Variants in TG observed in about 807,000 individuals in gnomAD.
TG encodes the protein thyroid hormones.
TG carries 270 observed loss-of-function variants against 324.7 expected under a neutral mutation model. That is an observed-to-expected ratio of 0.83 (90% confidence interval 0.75 to 0.92). The LOEUF (loss-of-function observed/expected upper bound fraction) is 0.92, where lower values mean the gene tolerates loss of function less well. Among genes scored for constraint, TG ranks in the 40% least tolerant of loss-of-function variants. The pLI, the probability that TG is intolerant of heterozygous loss-of-function variation, is 0.00. For synonymous variants in TG, 1,401 were observed against 1,327.0 expected (o/e 1.06, Z -1.21); for missense variants, 3,591 against 3,456.4 (o/e 1.04, Z -0.98).
chr8:133,134,799 C>T lies in TG; in HGVS notation c.*5C>T. 6.2e-7 allele frequency: 1 copy of T among 1,612,092 alleles called. No homozygotes were observed. The highest frequency in any genetic ancestry group is 8.5e-7 in the Non-Finnish European group (1 of 1,178,160). ...TCTAAGACCTACAGCAAGTGACCAG[C>T]CCTTGAGCTCCCCAAAAACCTCACC... On this transcript the variant is annotated 3_prime_UTR_variant, in exon 48 of 48. Transcript: ENST00000220616.
intron 41 of TG, among the ~76,000 whole-genome samples, chr8:133,071,668 C>A (rs1564151824): frequency 6.6e-6 from 1 of 151,964 alleles, no homozygotes; most frequent in Non-Finnish European, 1.5e-5. Context: ...GGAGGAGGCG[C>A]ACCTGCAAAC....
At position 132,869,758 on chromosome 8, in the gene TG, C is replaced by T. The variant is rs1021463864; in HGVS notation, c.206C>T (p.Ser69Phe). The change falls in exon 3 of 48, where the codon TCC becomes TTC. Residue 69 changes from serine to phenylalanine, a missense_variant. Ser to Phe is a radical substitution (Grantham distance 155). Transcript: ENST00000220616. ...QTVQCQNDGRSCWCVGANGSE... is the reference protein window; with the variant it reads ...QTVQCQNDGRFCWCVGANGSE... Reference sequence around the variant, plus strand: ...GTCCAGTGCCAGAACGACGGCCGCTCCTGCTGGTGTGTGGGTGCCAACGGC... The same window carrying T: ...GTCCAGTGCCAGAACGACGGCCGCTTCTGCTGGTGTGTGGGTGCCAACGGC... 1.2e-5 allele frequency: 20 copies of T among 1,614,188 alleles called. No individual in the cohort carries two copies. Among genetic ancestry groups the T allele is most frequent in the Non-Finnish European group, 1.7e-5 (20 of 1,180,036 alleles).
intron 46 of TG, among the ~76,000 whole-genome samples, chr8:133,133,093 G>A (rs988095660): frequency 1.3e-5 from 2 of 152,134 alleles, no homozygotes; most frequent in East Asian, 1.9e-4. Context: ...CCTCCTGCCC[G>A]GGCCTTGGAC....
intron 41 of TG, among the ~76,000 whole-genome samples, chr8:133,066,880 G>C (rs995568138): frequency 6.6e-6 from 1 of 152,210 alleles, no homozygotes; most frequent in Non-Finnish European, 1.5e-5. Flanking sequence ...GGGGCTGGGG[G>C]GTTGGCTAAC....
chr8:132,913,673 G>A (rs531224894), intron 20 of TG, among the ~76,000 whole-genome samples: 2 of 152,158 alleles, frequency 1.3e-5, no homozygotes, highest in Middle Eastern at 3.2e-3. Context: ...TCCTGATTGA[G>A]GTTCACTTGG....
At chr8:133,038,589 G>A (rs1837526429) in intron 41 of TG, 6 of 1,614,018 alleles carry the variant, frequency 3.7e-6, no homozygotes, top group East Asian at 2.2e-5. Context: ...CCATACATCA[G>A]GGAGATGCTT....
rs189376293 is a variant in TG, at chr8:133,075,688, T to C, written c.7240-19356T>C. 1.7e-4 allele frequency among the ~76,000 whole-genome samples: 26 copies of C among 152,238 alleles called. 1 individual carries two copies. The East Asian group carries it at 5.0e-3, about 29-fold the overall frequency. On this transcript the variant is annotated intron_variant, in intron 41 of 47. Transcript: ENST00000220616. The stretch of plus-strand genomic sequence containing the variant: ...AGCTGCATCCCTATATCTACAGCCA[T>C]CATATTGGCACAAAAGTTATTGTGG...
intron 45 of TG, among the ~76,000 whole-genome samples, chr8:133,125,934 G>T (rs1851483427): frequency 6.6e-6 from 1 of 152,134 alleles, no homozygotes; most frequent in Non-Finnish European, 1.5e-5. Context: ...AATGCACAAT[G>T]GTCTTTTCAT....
intron 11 of TG, among the ~76,000 whole-genome samples, chr8:132,897,206 A>T (rs771345946): frequency 6.6e-6 from 1 of 152,228 alleles, no homozygotes; most frequent in Non-Finnish European, 1.5e-5. Flanking sequence ...TGCTTAATCC[A>T]TCTGTGTCTC....
At chr8:133,008,567 T>C (rs1834223841) in intron 35 of TG, among the ~76,000 whole-genome samples, 1 of 152,118 alleles carries the variant, frequency 6.6e-6, no homozygotes, top group Admixed American at 6.5e-5. Context: ...AGGAAAAGAC[T>C]CACACTTTGG....
At chr8:133,121,516 C>T (rs1221946790) in intron 45 of TG, among the ~76,000 whole-genome samples, 1 of 152,196 alleles carries the variant, frequency 6.6e-6, no homozygotes, top group Non-Finnish European at 1.5e-5. Context: ...TCCACGGAAA[C>T]ATTTTATAGT....
intron 10 of TG, among the ~76,000 whole-genome samples, chr8:132,892,868 G>C (rs550520564): frequency 2.9e-4 from 42 of 144,380 alleles, no homozygotes; most frequent in African/African-American, 1.1e-3. Context: ...TGTGGTATGC[G>C]TGTGTGCATG....
chr8:132,921,738 T>G (rs1821137462), intron 21 of TG, among the ~76,000 whole-genome samples: 1 of 152,254 alleles, frequency 6.6e-6, no homozygotes, highest in Non-Finnish European at 1.5e-5. Flanking sequence ...GTTCTGCTGA[T>G]AACTCTTCAG....
intron 41 of TG, among the ~76,000 whole-genome samples, chr8:133,067,778 GAAAGAAAGAAAGAA>G (rs778731065): frequency 6.8e-6 from 1 of 146,616 alleles, no homozygotes; most frequent in Non-Finnish European, 1.5e-5. Context: ...ACTCCATCTA[GAAAGAAAGAAAGAA>G]AAAGAAAGAA....
rs571534482 is a variant in TG, at chr8:133,127,573, T to G, written c.7863-4239T>G. On this transcript the variant is annotated intron_variant, in intron 45 of 47. Coordinates refer to ENST00000220616, the MANE Select transcript of TG (RefSeq NM_003235.5). Reference sequence around the variant, plus strand: ...CTTACAACTCATTTGCTAAGAAACCTCCAGAGTTCCCAGCCCTTTTAAAAC... The same window carrying G: ...CTTACAACTCATTTGCTAAGAAACCGCCAGAGTTCCCAGCCCTTTTAAAAC... Among the ~76,000 whole-genome samples the G allele has an allele frequency of 1.2e-4, 19 of 152,294 alleles. 1 individual carries two copies. The East Asian group carries it at 3.3e-3, about 26-fold the overall frequency.
At chr8:132,968,009 A>C (rs1288688064) in intron 31 of TG, 39 bp downstream of exon 31, 2 of 1,607,008 alleles carry the variant, frequency 1.2e-6, no homozygotes, top group Non-Finnish European at 1.7e-6. Context: ...TGTATTTCCA[A>C]TGTTCTGCTG....
chr8:133,072,839 C>G (rs1424350540), intron 41 of TG: 1 of 152,058 alleles, frequency 6.6e-6, no homozygotes, highest in East Asian at 1.9e-4. Flanking sequence ...CTACCCCTGT[C>G]TGTTTCGTTT....
chr8:132,900,270 G>T lies in TG; in HGVS notation c.3364G>T (p.Ala1122Ser). The T allele has an allele frequency of 3.1e-6, 5 of 1,614,048 alleles. No homozygotes were observed. The South Asian group carries it at 4.4e-5, about 14-fold the overall frequency. ...GTATGCCAGGCTGCAGGCATCGGGG[G>T]CTGGCACCTGGTGTGTGGACCCTGC... Reference protein sequence around the residue: ...GEYARLQASGAGTWCVDPASG... With the variant: ...GEYARLQASGSGTWCVDPASG... The change falls in exon 15 of 48, where the codon GCT (alanine) becomes TCT (serine). Residue 1122 changes from alanine to serine, a missense_variant. Physicochemically the swap from Ala to Ser is moderately conservative, Grantham distance 99. Transcript: ENST00000220616.
intron 41 of TG, among the ~76,000 whole-genome samples, chr8:133,072,465 G>T (rs1472633871): frequency 6.6e-6 from 1 of 152,178 alleles, no homozygotes; most frequent in Non-Finnish European, 1.5e-5. Flanking sequence ...TAGATAGATG[G>T]ATAGATAGAT....
Sources: gnomAD v4.1 joint callset for allele counts (sites outside exome capture counted in the v4.1 genomes callset) on GRCh38, gnomAD v4.1.1 for gene constraint, MANE v1.5 for transcripts, NCBI Gene and HGNC (gene_info 2026-07-23, HGNC 2026-07-21) for gene names.